CADM2: variants seen among roughly 807,000 people sequenced by gnomAD.
The protein encoded by CADM2 is immunoglobulin superfamily member 4D.
Under a neutral mutation model 49.8 loss-of-function variants are expected in CADM2, and 12 were observed. The observed-to-expected ratio is 0.24, with a 90% CI of 0.15 to 0.39. The LOEUF (loss-of-function observed/expected upper bound fraction) is 0.39. Ranked by LOEUF, CADM2 falls within the 10% of genes least tolerant of loss-of-function variation. The pLI is 1.00. For synonymous variants in CADM2, 214 were observed against 175.4 expected (o/e 1.22, Z -1.74); for missense variants, 378 against 492.3 (o/e 0.77, Z 2.20).
At chr3:85,033,176 C>A (rs187606733) in intron 1 of CADM2, among the ~76,000 whole-genome samples, 242 of 152,198 alleles carry the variant, frequency 1.6e-3, no homozygotes, top group African/African-American at 5.5e-3. Context: ...GTTGTTTTTA[C>A]AAAAATATGA....
At chr3:85,736,232 C>G (rs1236468585) in intron 2 of CADM2, among the ~76,000 whole-genome samples, 1 of 152,122 alleles carries the variant, frequency 6.6e-6, no homozygotes, top group Non-Finnish European at 1.5e-5. Context: ...AAGATAGATA[C>G]AAATGGATTT....
chr3:85,783,815 A>G (rs1314915183), intron 2 of CADM2, among the ~76,000 whole-genome samples: 1 of 152,196 alleles, frequency 6.6e-6, no homozygotes, highest in African/African-American at 2.4e-5. Context: ...AACTTTGCTT[A>G]GAGATATTTG....
chr3:85,754,635 A>C (rs7616936), intron 2 of CADM2, among the ~76,000 whole-genome samples: 25,747 of 152,092 alleles, frequency 0.17, 2,614 homozygotes, highest in African/African-American at 0.27. Context: ...ACATTTATTT[A>C]ATTTGATCAC....
intron 1 of CADM2, among the ~76,000 whole-genome samples, chr3:85,567,405 G>T (rs914587851): frequency 7.9e-5 from 12 of 152,126 alleles, no homozygotes; most frequent in African/African-American, 2.9e-4. Context: ...CATGCATTTT[G>T]ATACCAACCT....
In CADM2 at chr3:85,961,514, T is replaced by C. The variant is rs751013468; in HGVS notation, c.837T>C (p.Asp279=). The change falls in exon 8 of 10, where the codon GAT becomes GAC. Residue 279 remains aspartate (D), a synonymous_variant. Transcript: ENST00000383699. ...CAAAGGATGGCGGAGAATTACCAGATCCTGACCGAATGGTTGTGAGTGGTA... is the reference window on the plus strand; with the variant it reads ...CAAAGGATGGCGGAGAATTACCAGACCCTGACCGAATGGTTGTGAGTGGTA... ...LWTKDGGELP[D]PDRMVVSGRE... is the part of the protein sequence containing the mutation. 1 of 1,607,594 alleles carries C rather than the reference T, an allele frequency of 6.2e-7. No homozygotes were observed. Among genetic ancestry groups the C allele is most frequent in the Non-Finnish European group, 8.5e-7 (1 of 1,175,430 alleles).
chr3:85,797,279 C>A (rs570706725), intron 2 of CADM2, among the ~76,000 whole-genome samples: 2 of 151,746 alleles, frequency 1.3e-5, no homozygotes, highest in East Asian at 3.9e-4. Flanking sequence ...TTTTTAACTT[C>A]AAGTTCTGGC....
intron 1 of CADM2, among the ~76,000 whole-genome samples, chr3:85,614,382 A>G (rs1468138037): frequency 6.6e-6 from 1 of 151,646 alleles, no homozygotes; most frequent in Non-Finnish European, 1.5e-5. Context: ...ATATACACAT[A>G]TATATACTAG....
At chr3:85,995,717 T>A (rs1245259307) in intron 8 of CADM2, among the ~76,000 whole-genome samples, 1 of 152,118 alleles carries the variant, frequency 6.6e-6, no homozygotes, top group South Asian at 2.1e-4. Flanking sequence ...ATATAGAAAG[T>A]CTTCAGTTGA....
chr3:85,120,831 G>C (rs1233273018), intron 1 of CADM2, among the ~76,000 whole-genome samples: 1 of 151,764 alleles, frequency 6.6e-6, no homozygotes, highest in Admixed American at 6.6e-5. Context: ...AAAAGAAAAT[G>C]AAAATAAAAA....
chr3:85,809,708 CTT>C (rs2072701865), intron 3 of CADM2, among the ~76,000 whole-genome samples: 1 of 123,400 alleles, frequency 8.1e-6, no homozygotes, highest in African/African-American at 3.4e-5. Flanking sequence ...TCCTTCCTTC[CTT>C]CCTTCCTTCG....
intron 8 of CADM2, among the ~76,000 whole-genome samples, chr3:86,053,990 C>T (rs545052601): frequency 6.6e-6 from 1 of 151,634 alleles, no homozygotes; most frequent in Non-Finnish European, 1.5e-5. Flanking sequence ...GATGTGAAAA[C>T]TAAGGTAGAG....
At chr3:85,789,473 T>C (rs2071201106) in intron 2 of CADM2, among the ~76,000 whole-genome samples, 1 of 152,212 alleles carries the variant, frequency 6.6e-6, no homozygotes, top group Admixed American at 6.5e-5. Context: ...TCTTATTCTT[T>C]TATATTGCCT....
At chr3:85,265,932 CTT>C (rs2043112410) in intron 1 of CADM2, among the ~76,000 whole-genome samples, 1 of 151,840 alleles carries the variant, frequency 6.6e-6, no homozygotes, top group Non-Finnish European at 1.5e-5. Flanking sequence ...TCTGAAGAGA[CTT>C]TATTATTCAT....
intron 2 of CADM2, among the ~76,000 whole-genome samples, chr3:85,730,093 A>G (rs1299483623): frequency 6.6e-6 from 1 of 152,108 alleles, no homozygotes; most frequent in African/African-American, 2.4e-5. Flanking sequence ...TTAATTATCA[A>G]ATTGTCCTAA....
At chr3:84,996,574 T>TA (rs960458689) in intron 1 of CADM2, among the ~76,000 whole-genome samples, 1 of 152,134 alleles carries the variant, frequency 6.6e-6, no homozygotes, top group Admixed American at 6.6e-5. Context: ...GATTTAATGA[T>TA]AAAAAATATT....
intron 1 of CADM2, among the ~76,000 whole-genome samples, chr3:85,263,381 A>G (rs2043055751): frequency 1.3e-5 from 2 of 152,136 alleles, no homozygotes; most frequent in Non-Finnish European, 2.9e-5. Flanking sequence ...ACACAAATCA[A>G]TAATAAAATC....
chr3:85,717,211 C>T (rs2067324254), intron 1 of CADM2, among the ~76,000 whole-genome samples: 1 of 151,842 alleles, frequency 6.6e-6, no homozygotes, highest in African/African-American at 2.4e-5. Flanking sequence ...AGGTCCTTCA[C>T]ATCCCTTGTA....
At position 85,935,816 on chromosome 3, in the gene CADM2, A is replaced by G. The variant is rs1391892001; in HGVS notation, c.750A>G (p.Gly250=). The G allele has an allele frequency of 1.2e-6, 2 of 1,606,972 alleles. No homozygotes were observed. The highest frequency in any genetic ancestry group is 2.2e-5 in the East Asian group (1 of 44,706). Residue 250 remains glycine (G), a synonymous_variant, in exon 7 of 10, where the codon GGA becomes GGG. Transcript: ENST00000383699. ...IIPSTPFPQE[G]QPLILTCESK... Reference sequence around the variant, plus strand: ...CATCGACTCCTTTTCCACAAGAAGGACAGCCTTTAATTTTGACTTGTGAAT... The same window carrying G: ...CATCGACTCCTTTTCCACAAGAAGGGCAGCCTTTAATTTTGACTTGTGAAT...
chr3:85,639,351 G>A (rs1275745582), intron 1 of CADM2, among the ~76,000 whole-genome samples: 1 of 152,090 alleles, frequency 6.6e-6, no homozygotes, highest in African/African-American at 2.4e-5. Flanking sequence ...ACATTGCATC[G>A]CACACTATGC....
Sources: allele counts gnomAD v4.1 joint callset (sites outside exome capture counted in the v4.1 genomes callset), GRCh38; gene constraint gnomAD v4.1.1; transcripts MANE v1.5; gene names NCBI Gene and HGNC (gene_info 2026-07-23, HGNC 2026-07-21).